LOXHD1: variants seen among roughly 807,000 people sequenced by gnomAD.
The protein encoded by LOXHD1 is lipoxygenase homology domain-containing protein 1.
In LOXHD1, 205 loss-of-function variants were observed where a neutral mutation model predicts 248.2. That is an observed-to-expected ratio of 0.83 (90% confidence interval 0.74 to 0.93). LOXHD1 has a LOEUF of 0.93. Among genes scored for constraint, LOXHD1 ranks in the 40% least tolerant of loss-of-function variants. The probability of loss-of-function intolerance (pLI) is 0.00; values close to 1 mark genes in which losing one functional copy is unlikely to be tolerated. For synonymous variants in LOXHD1, 1,113 were observed against 1,162.8 expected, an observed-to-expected ratio of 0.96 and a Z score of 0.87; for missense variants, 2,930 against 2,971.6, an observed-to-expected ratio of 0.99 and a Z score of 0.33.
intron 8 of LOXHD1, among the ~76,000 whole-genome samples, chr18:46,600,442 T>C (rs1457044643): frequency 1.3e-5 from 2 of 151,932 alleles, no homozygotes; most frequent in Admixed American, 6.6e-5. Flanking sequence ...CTACTAAAAA[T>C]ACAAAATTAG....
At chr18:46,613,773 T>C (rs1338608489) in intron 5 of LOXHD1, among the ~76,000 whole-genome samples, 1 of 152,200 alleles carries the variant, frequency 6.6e-6, no homozygotes, top group Non-Finnish European at 1.5e-5. Flanking sequence ...ATGCAAATTT[T>C]CCTGCATCTA....
intron 21 of LOXHD1, among the ~76,000 whole-genome samples, chr18:46,553,728 G>C (rs1237705960): frequency 6.6e-6 from 1 of 152,166 alleles, no homozygotes; most frequent in Non-Finnish European, 1.5e-5. Flanking sequence ...CAAGCTTTTT[G>C]TAGGTCAGAT....
In LOXHD1 at chr18:46,522,532, C is replaced by A. The variant is rs145958027; in HGVS notation, c.4877-223G>T. 5.4e-3 allele frequency among the ~76,000 whole-genome samples: 823 copies of A among 152,302 alleles called. 7 individuals carry two copies. Among genetic ancestry groups the A allele is most frequent in the African/African-American group, 0.019 (776 of 41,560 alleles). ...CTCCCAATGTACAGACCAAAGACAG[C>A]ATTCTTGTCATTTGTTTGGAGTGTC... On this transcript the variant is annotated intron_variant, in intron 31 of 40. Coordinates refer to ENST00000642948, the MANE Select transcript of LOXHD1 (RefSeq NM_001384474.1).
intron 27 of LOXHD1, chr18:46,533,696 G>A: frequency 6.1e-6 from 2 of 327,476 alleles, no homozygotes; most frequent in Admixed American, 4.0e-5. Context: ...GGCCAAGGCG[G>A]GTGGATTACC....
At chr18:46,516,583 A>C (rs1443524852) in intron 34 of LOXHD1, among the ~76,000 whole-genome samples, 1 of 152,024 alleles carries the variant, frequency 6.6e-6, no homozygotes, top group Non-Finnish European at 1.5e-5. Context: ...CACCAACACC[A>C]CCTTCATCAC....
At chr18:46,649,702 G>A (rs1040087693) in intron 1 of LOXHD1, among the ~76,000 whole-genome samples, 1 of 152,056 alleles carries the variant, frequency 6.6e-6, no homozygotes, top group Non-Finnish European at 1.5e-5. Flanking sequence ...GACCTCCTGG[G>A]CACTGACATT....
intron 29 of LOXHD1, among the ~76,000 whole-genome samples, chr18:46,528,376 C>T (rs114633060): frequency 1.1e-3 from 160 of 151,926 alleles, no homozygotes; most frequent in African/African-American, 3.4e-3. Flanking sequence ...GGAGTAGAGG[C>T]GGGGAGAGGG....
intron 34 of LOXHD1, among the ~76,000 whole-genome samples, chr18:46,517,411 C>T (rs762847769): frequency 5.3e-5 from 8 of 152,068 alleles, no homozygotes; most frequent in Non-Finnish European, 8.8e-5. Context: ...CCTTATTGTG[C>T]CTCAGTTTCT....
intron 1 of LOXHD1, among the ~76,000 whole-genome samples, chr18:46,652,421 A>G (rs887147276): frequency 3.3e-5 from 5 of 152,206 alleles, no homozygotes; most frequent in Admixed American, 1.3e-4. Context: ...CAGACATACC[A>G]CAAAAGAGGA....
At chr18:46,527,082 G>C (rs911708185) in intron 29 of LOXHD1, among the ~76,000 whole-genome samples, 2 of 151,882 alleles carry the variant, frequency 1.3e-5, no homozygotes, top group Admixed American at 6.6e-5. Flanking sequence ...AAAGGGATGG[G>C]GCAGAATGGG....
intron 2 of LOXHD1, 151 bp downstream of exon 2, chr18:46,649,004 C>A: frequency 1.5e-6 from 1 of 660,188 alleles, no homozygotes; most frequent in Non-Finnish European, 2.7e-6. Context: ...CCAGCTGGTA[C>A]ACGGTCTGTC....
At chr18:46,551,805 C>T (rs2037116471) in intron 21 of LOXHD1, among the ~76,000 whole-genome samples, 1 of 152,208 alleles carries the variant, frequency 6.6e-6, no homozygotes, top group East Asian at 1.9e-4. Flanking sequence ...CCTCAGATCC[C>T]GGGACACCCC....
At chr18:46,545,847 T>G (rs193041508) in intron 22 of LOXHD1, among the ~76,000 whole-genome samples, 16 of 151,776 alleles carry the variant, frequency 1.1e-4, no homozygotes, top group Middle Eastern at 3.4e-3. Context: ...GCCGGGATGG[T>G]CTCGATCTCC....
chr18:46,607,398 T>C (rs564994817), intron 6 of LOXHD1, among the ~76,000 whole-genome samples: 2 of 149,874 alleles, frequency 1.3e-5, no homozygotes, highest in Non-Finnish European at 3.0e-5. Context: ...CGTACGTATA[T>C]GTACATATAT....
chr18:46,594,587 G>C (rs921908818), intron 8 of LOXHD1, 121 bp from the exon 9 acceptor site: 3 of 1,214,382 alleles, frequency 2.5e-6, no homozygotes, highest in Non-Finnish European at 3.4e-6. Context: ...TCAAGGAATG[G>C]CACCTTTTCT....
At chr18:46,560,818 A>G (rs906067038) in intron 18 of LOXHD1, among the ~76,000 whole-genome samples, 3 of 151,460 alleles carry the variant, frequency 2.0e-5, no homozygotes, top group Non-Finnish European at 4.4e-5. Flanking sequence ...TCTCTCTTAA[A>G]CACATATGCC....
chr18:46,478,900 G>T (rs1460609571), intron 40 of LOXHD1, among the ~76,000 whole-genome samples: 1 of 152,086 alleles, frequency 6.6e-6, no homozygotes, highest in Non-Finnish European at 1.5e-5. Flanking sequence ...GTCTCACCAT[G>T]CTTCCCAGGC....
rs916063333 is a variant in LOXHD1 at position 46,593,726 on chromosome 18, G to A, written c.1305C>T (p.Asp435=). ...GAGAGTTGGTACCAGCTTTCTTTAGGTCGGTTGTCCAGACCCACAGGGACC... is the reference window on the plus strand; with the variant it reads ...GAGAGTTGGTACCAGCTTTCTTTAGATCGGTTGTCCAGACCCACAGGGACC... ...FPWSLWVWTT[D]LKKAGTNSPI... is the part of the protein sequence containing the mutation. Residue 435 remains aspartate, a synonymous_variant, in exon 10 of 41, where the codon GAC becomes GAT. Coordinates refer to ENST00000642948, the MANE Select transcript of LOXHD1 (RefSeq NM_001384474.1). 5.2e-6 allele frequency: 8 copies of A among 1,552,032 alleles called. No individual in the cohort carries two copies. The African/African-American group carries it at 9.6e-5, about 19-fold the overall frequency.
At chr18:46,574,586 G>C (rs1305498371) in intron 14 of LOXHD1, among the ~76,000 whole-genome samples, 4 of 148,276 alleles carry the variant, frequency 2.7e-5, no homozygotes, top group Non-Finnish European at 4.4e-5. Context: ...ATCACTACAT[G>C]TGTCAGCAAG....
Sources: allele counts gnomAD v4.1 joint callset (sites outside exome capture counted in the v4.1 genomes callset), GRCh38; gene constraint gnomAD v4.1.1; transcripts MANE v1.5; gene names NCBI Gene and HGNC (gene_info 2026-07-23, HGNC 2026-07-21).